The following PPFIA1 variants were observed in gnomAD, a reference collection of about 807,000 sequenced individuals.
The protein encoded by PPFIA1 is PPFI scaffold protein A1, also known as liprin-alpha-1.
PPFIA1 carries 25 observed loss-of-function variants against 149.9 expected under a neutral mutation model. That is an observed-to-expected ratio of 0.17 (90% CI 0.12 to 0.23). The LOEUF is 0.23. PPFIA1 is among the 10% of genes least tolerant of loss of function. The pLI is 1.00. For missense variants in PPFIA1, 1,362 were observed against 1,506.5 expected, an observed-to-expected ratio of 0.90 and a Z score of 1.59; for synonymous variants, 549 against 552.8, an observed-to-expected ratio of 0.99 and a Z score of 0.10.
Position 70,355,715 on chromosome 11 carries a change from C to G in PPFIA1, c.2392C>G (p.Pro798Ala). ...NSSQDSLHKA[P>A]KKKGIKSSIG... is the part of the protein sequence containing the mutation. ...TAGCCAGGACTCGCTCCACAAAGCC[C>G]CAAAGAAGAAAGGCATTAAGTCCTC... is the stretch of plus-strand genomic sequence containing the variant. Residue 798 changes from proline (P) to alanine (A), a missense_variant, in exon 18 of 28, where the codon CCA (proline) becomes GCA (alanine). Physicochemically the swap from Pro to Ala is conservative, Grantham distance 27 (BLOSUM62 -1). This residue lies in a region of PPFIA1 where 733 missense variants were observed against 744.1 expected (regional missense o/e 0.99). Coordinates refer to ENST00000253925, the MANE Select transcript of PPFIA1 (RefSeq NM_003626.5). 1 of 1,614,136 alleles carries G rather than the reference C, an allele frequency of 6.2e-7. No homozygotes were observed. The highest frequency in any genetic ancestry group is 8.5e-7 in the Non-Finnish European group (1 of 1,180,028).
intron 25 of PPFIA1, 33 bp from the exon 26 acceptor site, chr11:70,377,997 A>G (rs1471099479): frequency 5.9e-6 from 9 of 1,528,716 alleles, no homozygotes; most frequent in Non-Finnish European, 8.1e-6. Context: ...TATTTTTTAA[A>G]TGAATCTTGT....
At chr11:70,284,029 G>A (rs373477890) in intron 2 of PPFIA1, 76 of 531,646 alleles carry the variant, frequency 1.4e-4, no homozygotes, top group African/African-American at 8.9e-4. Flanking sequence ...GGCAAAAACC[G>A]CAATTATTTT....
intron 19 of PPFIA1, among the ~76,000 whole-genome samples, chr11:70,359,070 T>C (rs962735013): frequency 1.3e-5 from 2 of 152,242 alleles, no homozygotes; most frequent in Non-Finnish European, 2.9e-5. Flanking sequence ...CTGAGCTTCC[T>C]GAGAGGATCT....
chr11:70,325,474 A>T, intron 4 of PPFIA1, 26 bp from the exon 5 acceptor site: 1 of 1,512,936 alleles, frequency 6.6e-7, no homozygotes, highest in Admixed American at 1.7e-5. Flanking sequence ...ACACACACAC[A>T]CAAACTCAAC....
chr11:70,312,185 C>A (rs1470069488), intron 2 of PPFIA1, among the ~76,000 whole-genome samples: 3 of 151,576 alleles, frequency 2.0e-5, no homozygotes, highest in Non-Finnish European at 4.4e-5. Context: ...TGTTTTGAGA[C>A]AGGGTCTCAA....
chr11:70,340,020 A>G (rs2055217976), intron 14 of PPFIA1, among the ~76,000 whole-genome samples: 1 of 152,080 alleles, frequency 6.6e-6, no homozygotes, highest in African/African-American at 2.4e-5. Context: ...CTTAAAAAAT[A>G]AAATAAAAAG....
intron 25 of PPFIA1, among the ~76,000 whole-genome samples, chr11:70,377,125 A>G (rs539298797): frequency 6.6e-6 from 1 of 152,164 alleles, no homozygotes; most frequent in East Asian, 1.9e-4. Flanking sequence ...AATACCTTCA[A>G]GAAGGTAGTT....
chr11:70,359,736 G>A (rs1389029325), intron 19 of PPFIA1, among the ~76,000 whole-genome samples: 1 of 152,194 alleles, frequency 6.6e-6, no homozygotes, highest in Non-Finnish European at 1.5e-5. Flanking sequence ...ATTATAAAAT[G>A]CACAACATTA....
intron 26 of PPFIA1, among the ~76,000 whole-genome samples, chr11:70,379,526 T>G (rs2057621462): frequency 6.6e-6 from 1 of 151,788 alleles, no homozygotes; most frequent in South Asian, 2.1e-4. Flanking sequence ...CCAGTAATCC[T>G]AGCACTTTGA....
chr11:70,370,794 T>A (rs1295007299), intron 21 of PPFIA1, among the ~76,000 whole-genome samples: 2 of 152,184 alleles, frequency 1.3e-5, no homozygotes, highest in Non-Finnish European at 2.9e-5. Flanking sequence ...TTTAACTGTT[T>A]CCCACAATTT....
chr11:70,380,643 G>A (rs1478714431), intron 26 of PPFIA1, among the ~76,000 whole-genome samples: 1 of 151,440 alleles, frequency 6.6e-6, no homozygotes, highest in Admixed American at 6.6e-5. Flanking sequence ...GCTGAGGCAG[G>A]AGAATGGCTT....
intron 2 of PPFIA1, among the ~76,000 whole-genome samples, chr11:70,305,696 A>G (rs2052801937): frequency 1.3e-5 from 2 of 152,184 alleles, no homozygotes; most frequent in South Asian, 4.1e-4. Flanking sequence ...ATAAAAATGT[A>G]GGACTGAATT....
At chr11:70,276,905 G>C (rs1287256971) in intron 2 of PPFIA1, among the ~76,000 whole-genome samples, 2 of 150,196 alleles carry the variant, frequency 1.3e-5, no homozygotes, top group East Asian at 1.9e-4. Context: ...AATCAGTCTT[G>C]TTGGGGGTTT....
At chr11:70,349,027 C>A (rs1370656223) in intron 16 of PPFIA1, among the ~76,000 whole-genome samples, 1 of 145,774 alleles carries the variant, frequency 6.9e-6, no homozygotes, top group Admixed American at 7.2e-5. Context: ...AACCACTTAG[C>A]AAAAGTAAAT....
At chr11:70,282,619 C>A (rs994802194) in intron 2 of PPFIA1, among the ~76,000 whole-genome samples, 38 of 147,932 alleles carry the variant, frequency 2.6e-4, no homozygotes, top group Non-Finnish European at 2.4e-4. Flanking sequence ...AGCTCCACCC[C>A]CTGGGTTCAC....
At chr11:70,304,305 C>G (rs914526573) in intron 2 of PPFIA1, among the ~76,000 whole-genome samples, 36 of 152,020 alleles carry the variant, frequency 2.4e-4, no homozygotes, top group African/African-American at 8.7e-4. Flanking sequence ...TCTCCTTCTG[C>G]TGTTCACCTG....
intron 2 of PPFIA1, among the ~76,000 whole-genome samples, chr11:70,310,667 A>G (rs1333031064): frequency 6.6e-6 from 1 of 152,158 alleles, no homozygotes; most frequent in Non-Finnish European, 1.5e-5. Context: ...TACAGGCGTG[A>G]GCCACCACAC....
Position 70,315,685 on chromosome 11 carries a change from T to G in PPFIA1, c.265-8717T>G, listed in dbSNP as rs1161721691. On this transcript the variant is annotated intron_variant, in intron 2 of 27. Coordinates refer to ENST00000253925, the MANE Select transcript of PPFIA1 (RefSeq NM_003626.5). Reference sequence around the variant, plus strand: ...GTGAAGTTCTTTTTTTCTGTTTTTTTTTTTTTTTTTTTTTTTTTGGTGGTA... The same window carrying G: ...GTGAAGTTCTTTTTTTCTGTTTTTTGTTTTTTTTTTTTTTTTTTGGTGGTA... Among the ~76,000 whole-genome samples the G allele has an allele frequency of 1.2e-3, 162 of 139,882 alleles. 1 individual carries two copies. The highest frequency in any genetic ancestry group is 4.2e-3 in the African/African-American group (142 of 34,028). The allele number at this position is 139,882 out of a possible 152,430, so 91.8% of individuals were successfully genotyped here. A position where few individuals can be genotyped will look rare whatever the true frequency, so the allele number is the denominator to read the frequency against.
intron 17 of PPFIA1, among the ~76,000 whole-genome samples, chr11:70,355,284 A>G (rs1482109222): frequency 6.6e-6 from 1 of 151,958 alleles, no homozygotes; most frequent in Non-Finnish European, 1.5e-5. Context: ...TTTTGCAGTA[A>G]CCCCTCAGGC....
Sources: gnomAD v4.1 joint callset for allele counts (sites outside exome capture counted in the v4.1 genomes callset) on GRCh38, gnomAD v4.1.1 for gene constraint, gnomAD v4.1.1 regional missense constraint, MANE v1.5 for transcripts, NCBI Gene and HGNC (gene_info 2026-07-23, HGNC 2026-07-21) for gene names.